The following GABRG3 variants were observed in gnomAD, a reference collection of about 807,000 sequenced individuals.
GABRG3 encodes gamma-aminobutyric acid receptor subunit gamma-3.
A neutral mutation model predicts 48.8 loss-of-function variants in GABRG3; 25 were observed. The ratio of observed to expected loss-of-function variants is 0.51; its 90% CI spans 0.37 to 0.72. GABRG3 has a LOEUF of 0.72. Among genes scored for constraint, GABRG3 ranks in the 30% least tolerant of loss-of-function variants. GABRG3 has a pLI of 0.00. For synonymous variants in GABRG3, 227 were observed against 217.6 expected (o/e 1.04, Z -0.38); for missense variants, 394 against 577.9 (o/e 0.68, Z 3.26).
At chr15:27,206,204 T>C (rs1888846921) in intron 3 of GABRG3, among the ~76,000 whole-genome samples, 1 of 152,308 alleles carries the variant, frequency 6.6e-6, no homozygotes, top group Middle Eastern at 3.4e-3. Context: ...CTATAAACTT[T>C]CCTCTTAACA....
chr15:27,155,946 A>G (rs7495487), intron 3 of GABRG3, among the ~76,000 whole-genome samples: 82,627 of 151,900 alleles, frequency 0.54, 23,404 homozygotes, highest in African/African-American at 0.7. Context: ...TTGTGAGCGA[A>G]GCCAAGTCCA....
intron 3 of GABRG3, among the ~76,000 whole-genome samples, chr15:27,134,466 G>A (rs186100640): frequency 3.2e-4 from 48 of 152,180 alleles, no homozygotes; most frequent in Non-Finnish European, 5.9e-4. Context: ...GTGACTCTCC[G>A]CTCTGTTCAA....
intron 2 of GABRG3, among the ~76,000 whole-genome samples, chr15:27,020,632 T>A (rs2140676460): frequency 6.6e-6 from 1 of 152,186 alleles, no homozygotes; most frequent in Admixed American, 6.5e-5. Context: ...TTAGCCAGGA[T>A]GGTCTCGATC....
chr15:27,145,603 C>CTATCTATCTATCTATCTATCTATCA (rs1555405976), intron 3 of GABRG3, among the ~76,000 whole-genome samples: 1 of 102,388 alleles, frequency 9.8e-6, no homozygotes, highest in Non-Finnish European at 2.2e-5. Flanking sequence ...ATATATCTAT[C>CTATCTATCTATCTATCTATCTATCA]TCTATCTATC....
chr15:27,051,287 TA>T (rs1412938880), intron 3 of GABRG3, among the ~76,000 whole-genome samples: 1 of 152,260 alleles, frequency 6.6e-6, no homozygotes, highest in Non-Finnish European at 1.5e-5. Flanking sequence ...TTATTGATTT[TA>T]TTTTTTTTAT....
chr15:27,421,024 A>G (rs559433862), intron 5 of GABRG3, among the ~76,000 whole-genome samples: 36 of 152,202 alleles, frequency 2.4e-4, no homozygotes, highest in Non-Finnish European at 3.4e-4. Flanking sequence ...ATTTTGTGGA[A>G]AAGCATGGAA....
At chr15:26,973,548 GAGTCCCTTCCTGCTGTGGA>G (rs1894883032) in intron 1 of GABRG3, among the ~76,000 whole-genome samples, 1 of 152,188 alleles carries the variant, frequency 6.6e-6, no homozygotes, top group African/African-American at 2.4e-5. Context: ...TTTGCACTCT[GAGTCCCTTCCTGCTGTGGA>G]AGTTCCTTGG....
intron 3 of GABRG3, among the ~76,000 whole-genome samples, chr15:27,046,355 C>T (rs866532028): frequency 1.3e-5 from 2 of 152,086 alleles, no homozygotes; most frequent in East Asian, 1.9e-4. Context: ...CCACCTGCCT[C>T]GGTCTCCCAA....
intron 5 of GABRG3, chr15:27,364,449 CTTCT>C (rs1435720657): frequency 1.3e-5 from 2 of 152,258 alleles, no homozygotes; most frequent in African/African-American, 4.8e-5. Flanking sequence ...AAAAGTGTTT[CTTCT>C]TTGAGGACAG....
intron 5 of GABRG3, among the ~76,000 whole-genome samples, chr15:27,474,474 A>G (rs1268657798): frequency 1.3e-5 from 2 of 152,254 alleles, no homozygotes; most frequent in Admixed American, 6.5e-5. Context: ...TAATGATTCA[A>G]AATTATCCAC....
intron 3 of GABRG3, among the ~76,000 whole-genome samples, chr15:27,283,819 T>C (rs1421925380): frequency 6.6e-6 from 1 of 152,218 alleles, no homozygotes; most frequent in Non-Finnish European, 1.5e-5. Flanking sequence ...ATCTGCTTTC[T>C]TCTTCTTACC....
chr15:26,987,211 T>A (rs1458616056), intron 2 of GABRG3, among the ~76,000 whole-genome samples: 1 of 151,162 alleles, frequency 6.6e-6, no homozygotes, highest in East Asian at 2.0e-4. Context: ...TGAGCCGAGA[T>A]CACACCATAA....
intron 2 of GABRG3, among the ~76,000 whole-genome samples, chr15:27,024,566 T>A (rs1895951565): frequency 6.6e-6 from 1 of 152,214 alleles, no homozygotes; most frequent in African/African-American, 2.4e-5. Flanking sequence ...GACTGTCCGT[T>A]CCCTCATTGA....
chr15:27,260,061 C>CG lies in GABRG3; in HGVS notation c.271-66745dup, dbSNP rs537071295. Among the ~76,000 whole-genome samples the CG allele has an allele frequency of 1.4e-4, 21 of 152,270 alleles. No individual in the cohort carries two copies. In the East Asian group the frequency reaches 4.1e-3, roughly 29 times the overall value. ...AATGTTGTGTCCTAATTTCCATCCTCGGGACTCCTGTCTATCATGTGTTGT... is the reference window on the plus strand; with the variant it reads ...AATGTTGTGTCCTAATTTCCATCCTCGGGGACTCCTGTCTATCATGTGTTGT... On this transcript the variant is annotated intron_variant, in intron 3 of 9. Transcript: ENST00000615808.
intron 3 of GABRG3, among the ~76,000 whole-genome samples, chr15:27,102,674 T>A (rs1897381371): frequency 6.6e-6 from 1 of 152,216 alleles, no homozygotes; most frequent in African/African-American, 2.4e-5. Context: ...GCTTCAGGAA[T>A]ACGATGCTAT....
chr15:27,336,757 C>T (rs1276283270), intron 5 of GABRG3, among the ~76,000 whole-genome samples: 1 of 152,154 alleles, frequency 6.6e-6, no homozygotes, highest in South Asian at 2.1e-4. Context: ...AAACCAGAAA[C>T]AGCCCTCATG....
chr15:27,295,249 T>C (rs1385155383), intron 3 of GABRG3: 1 of 152,206 alleles, frequency 6.6e-6, no homozygotes, highest in Non-Finnish European at 1.5e-5. Context: ...CAGTTCTTAA[T>C]GTTAGAATGG....
At chr15:27,024,421 G>A (rs913983013) in intron 2 of GABRG3, among the ~76,000 whole-genome samples, 1 of 152,244 alleles carries the variant, frequency 6.6e-6, no homozygotes, top group East Asian at 1.9e-4. Context: ...TCTTCTGATA[G>A]TTTTGTAGTT....
At chr15:26,986,423 G>T (rs143529396) in intron 2 of GABRG3, among the ~76,000 whole-genome samples, 1 of 152,164 alleles carries the variant, frequency 6.6e-6, no homozygotes, top group Non-Finnish European at 1.5e-5. Flanking sequence ...TCCAAAGGCC[G>T]CCGAGTTCAG....
Sources: gnomAD v4.1 joint callset for allele counts (sites outside exome capture counted in the v4.1 genomes callset) on GRCh38, gnomAD v4.1.1 for gene constraint, MANE v1.5 for transcripts, NCBI Gene and HGNC (gene_info 2026-07-23, HGNC 2026-07-21) for gene names.